The following NDUFS2 variants were observed in gnomAD, a reference collection of about 807,000 sequenced individuals.
NDUFS2 encodes NADH dehydrogenase [ubiquinone] iron-sulfur protein 2, mitochondrial.
A neutral mutation model predicts 69.6 loss-of-function variants in NDUFS2; 38 were observed. The ratio of observed to expected loss-of-function variants is 0.55; its 90% CI spans 0.42 to 0.72. The LOEUF is 0.72. Ranked by LOEUF, NDUFS2 falls within the 30% of genes least tolerant of loss-of-function variation. The probability of loss-of-function intolerance (pLI) is 0.00; values close to 1 mark genes in which losing one functional copy is unlikely to be tolerated. For synonymous variants in NDUFS2, 194 were observed against 211.2 expected, an observed-to-expected ratio of 0.92 and a Z score of 0.70; for missense variants, 468 against 595.0, an observed-to-expected ratio of 0.79 and a Z score of 2.22.
intron 3 of NDUFS2, among the ~76,000 whole-genome samples, chr1:161,207,270 C>G (rs1665519331): frequency 6.6e-6 from 1 of 152,222 alleles, no homozygotes; most frequent in African/African-American, 2.4e-5. Context: ...GTTTCTGGTC[C>G]TGGAGTCTAT....
upstream of NDUFS2, chr1:161,198,002 C>T (rs1000963834): frequency 1.9e-6 from 3 of 1,558,928 alleles, no homozygotes; most frequent in East Asian, 6.8e-5. This position sits in a 1 kb window ranked among gnomAD's most constrained non-coding sequence, Gnocchi z 4.7. Context: ...TACCTTGGCT[C>T]TTCGGGGTCT....
In NDUFS2 at chr1:161,213,942, T is replaced by C; in HGVS notation, c.1354+21T>C. 1.9e-6 allele frequency: 3 copies of C among 1,614,152 alleles called. No homozygotes were observed. The South Asian group carries it at 3.3e-5, about 18-fold the overall frequency. On this transcript the variant is annotated intron_variant, in intron 13 of 13. Transcript: ENST00000676972. ...CATAGGTACGAGGCCTATTGTGTAG[T>C]AGAGGTATCCTAGACAAAGGAGTTC...
upstream of NDUFS2, chr1:161,198,081 G>A (rs376506791): frequency 9.3e-6 from 15 of 1,612,482 alleles, no homozygotes; most frequent in African/African-American, 1.3e-5. The surrounding 1 kb of genome is among the most constrained non-coding windows in gnomAD (Gnocchi z 4.7). Context: ...GGACTCTTCC[G>A]GCGTAGGATG....
upstream of NDUFS2, chr1:161,198,423 C>G (rs1403327956): frequency 2.5e-6 from 4 of 1,597,036 alleles, no homozygotes; most frequent in Admixed American, 1.8e-5. This position sits in a 1 kb window ranked among gnomAD's most constrained non-coding sequence, Gnocchi z 4.7. Flanking sequence ...AGGACGCTGC[C>G]GTTGAGCTTC....
intron 9 of NDUFS2, among the ~76,000 whole-genome samples, chr1:161,211,150 T>C (rs1665750660): frequency 6.6e-6 from 1 of 152,220 alleles, no homozygotes; most frequent in African/African-American, 2.4e-5. Flanking sequence ...GTTGGGATTA[T>C]AGGCGTGAGC....
At chr1:161,207,173 A>G (rs914978890) in intron 3 of NDUFS2, among the ~76,000 whole-genome samples, 1 of 152,164 alleles carries the variant, frequency 6.6e-6, no homozygotes, top group Non-Finnish European at 1.5e-5. Flanking sequence ...TGATAACAGG[A>G]TGGTAGGATT....
rs376645728 is a variant in NDUFS2, at chr1:161,213,460, C to T, written c.1197C>T (p.Ala399=). 25 of 1,609,746 alleles carry T rather than the reference C, an allele frequency of 1.6e-5. No individual in the cohort carries two copies. Among genetic ancestry groups the T allele is most frequent in the Non-Finnish European group, 2.0e-5 (24 of 1,177,342 alleles). Residue 399 remains alanine (A), a synonymous_variant, in exon 11 of 14, where the codon GCC becomes GCT. Coordinates refer to ENST00000676972, the MANE Select transcript of NDUFS2 (RefSeq NM_001377299.1). The part of the protein sequence containing the change: ...YQVPPGATYT[A]IEAPKGEFGV... Reference sequence around the variant, plus strand: ...TTCCTCCAGGAGCCACATATACTGCCATTGAGGCTCCCAAGGTAAGGAGAG... The same window carrying T: ...TTCCTCCAGGAGCCACATATACTGCTATTGAGGCTCCCAAGGTAAGGAGAG...
chr1:161,204,115 C>T (rs1055932215), intron 2 of NDUFS2, among the ~76,000 whole-genome samples: 2 of 152,222 alleles, frequency 1.3e-5, no homozygotes, highest in Non-Finnish European at 2.9e-5. Context: ...ATATTAATGC[C>T]AGCTTTTCCC....
At chr1:161,213,094 G>A (rs1446195566) in intron 10 of NDUFS2, 35 of 365,932 alleles carry the variant, frequency 9.6e-5, no homozygotes, top group South Asian at 6.6e-4. Context: ...TAGTAGAGAC[G>A]GGGTTTCACT....
upstream of NDUFS2, chr1:161,202,365 G>T (rs990342937): frequency 5.6e-6 from 9 of 1,603,364 alleles, no homozygotes; most frequent in African/African-American, 6.7e-5. Flanking sequence ...TCTCCTTCCC[G>T]CAGTCTGCAG....
At chr1:161,198,452 TC>T, upstream of NDUFS2, 1 of 1,575,436 alleles carries the variant, frequency 6.3e-7, no homozygotes, top group South Asian at 1.1e-5. The surrounding 1 kb of genome is among the most constrained non-coding windows in gnomAD (Gnocchi z 4.7). Flanking sequence ...CACGATCTCC[TC>T]CTCCCGGGGG....
At chr1:161,198,570 C>G, upstream of NDUFS2, 1 of 1,554,420 alleles carries the variant, frequency 6.4e-7, no homozygotes, top group Middle Eastern at 1.7e-4. This position sits in a 1 kb window ranked among gnomAD's most constrained non-coding sequence, Gnocchi z 4.7. Context: ...CAGGGTTGGG[C>G]TCCCCACAGC....
At chr1:161,214,067 G>A in intron 13 of NDUFS2, 89 bp from the exon 14 acceptor site, 2 of 1,613,542 alleles carry the variant, frequency 1.2e-6, no homozygotes, top group South Asian at 2.2e-5. Context: ...ATGGGTTCTG[G>A]ATCTTGGGTA....
chr1:161,202,519 G>A (rs1185165361), intron 1 of NDUFS2, 39 bp downstream of exon 1: 3 of 1,576,594 alleles, frequency 1.9e-6, no homozygotes, highest in Admixed American at 3.6e-5. Context: ...TTTCTCCAAG[G>A]CTAGGGTTTC....
chr1:161,203,630 C>CT (rs1665285265), intron 2 of NDUFS2, 87 bp downstream of exon 2: 3 of 1,159,354 alleles, frequency 2.6e-6, no homozygotes, highest in South Asian at 2.6e-5. Context: ...GGGTTTCCCT[C>CT]TGTCTCCCTG....
chr1:161,202,523 G>C, intron 1 of NDUFS2, 43 bp downstream of exon 1: 1 of 1,563,468 alleles, frequency 6.4e-7, no homozygotes, highest in South Asian at 1.2e-5. Flanking sequence ...TCCAAGGCTA[G>C]GGTTTCTCAG....
upstream of NDUFS2, chr1:161,198,524 A>G (rs1267451609): frequency 1.3e-6 from 2 of 1,566,268 alleles, no homozygotes; most frequent in East Asian, 2.4e-5. The surrounding 1 kb of genome is among the most constrained non-coding windows in gnomAD (Gnocchi z 4.7). Context: ...AAGCAGCCAC[A>G]CCAGCCAGGA....
In NDUFS2 at chr1:161,213,520, G is replaced by A. The variant is rs749822594; in HGVS notation, c.1212+45G>A. 1.0e-5 allele frequency: 16 copies of A among 1,555,868 alleles called. No individual in the cohort carries two copies. In the South Asian group the frequency reaches 1.8e-4, roughly 17 times the overall value. ...GAAAAGACCATATGTAGAGTAGGTA[G>A]CTAAAGATAGATGTTTAACAAATAG... is the stretch of plus-strand genomic sequence containing the variant. On this transcript the variant is annotated intron_variant, in intron 11 of 13. Coordinates refer to ENST00000676972, the MANE Select transcript of NDUFS2 (RefSeq NM_001377299.1).
chr1:161,202,237 G>T, upstream of NDUFS2: 1 of 752,918 alleles, frequency 1.3e-6, no homozygotes, highest in Non-Finnish European at 2.3e-6. Flanking sequence ...CGAGTCACAG[G>T]ACCCGGATGT....
Sources: gnomAD v4.1 joint callset for allele counts (sites outside exome capture counted in the v4.1 genomes callset) on GRCh38, gnomAD v4.1.1 for gene constraint, Gnocchi (gnomAD v3.1) non-coding constraint, MANE v1.5 for transcripts, NCBI Gene and HGNC (gene_info 2026-07-23, HGNC 2026-07-21) for gene names.